Variants in USP34 observed in about 807,000 individuals in gnomAD.
USP34 encodes the protein ubiquitin carboxyl-terminal hydrolase 34.
USP34 carries 70 observed loss-of-function variants against 460.3 expected under a neutral mutation model. That is an observed-to-expected ratio of 0.15 (90% confidence interval 0.13 to 0.19). The LOEUF (loss-of-function observed/expected upper bound fraction) is 0.19. Ranked by LOEUF, USP34 falls within the 10% of genes least tolerant of loss-of-function variation. The pLI, the probability that USP34 is intolerant of heterozygous loss-of-function variation, is 1.00. For missense variants in USP34, 3,985 were observed against 4,236.2 expected, an observed-to-expected ratio of 0.94 and a Z score of 1.65; for synonymous variants, 1,647 against 1,405.3, an observed-to-expected ratio of 1.17 and a Z score of -3.85.
chr2:61,308,358 T>C (rs1690478828), intron 27 of USP34, among the ~76,000 whole-genome samples: 3 of 152,022 alleles, frequency 2.0e-5, no homozygotes, highest in African/African-American at 7.2e-5. Context: ...TCTTAGATAT[T>C]AAAAGCATGA....
chr2:61,381,884 T>C (rs1400222584), intron 6 of USP34, among the ~76,000 whole-genome samples: 3 of 152,178 alleles, frequency 2.0e-5, no homozygotes, highest in African/African-American at 7.2e-5. Context: ...CAAAGTCTTG[T>C]CTTTAAGTTC....
At chr2:61,197,007 G>A (rs890562564) in intron 75 of USP34, among the ~76,000 whole-genome samples, 3 of 152,172 alleles carry the variant, frequency 2.0e-5, no homozygotes, top group African/African-American at 7.2e-5. Context: ...AGGCGTGGTG[G>A]CTCACGCCTA....
At chr2:61,457,336 A>G (rs981983207) in intron 1 of USP34, among the ~76,000 whole-genome samples, 1 of 152,228 alleles carries the variant, frequency 6.6e-6, no homozygotes, top group African/African-American at 2.4e-5. Context: ...GGTCAAAACC[A>G]AGGAAGCCCA....
chr2:61,363,619 A>C (rs927866425), intron 10 of USP34, among the ~76,000 whole-genome samples: 2 of 152,236 alleles, frequency 1.3e-5, no homozygotes, highest in Middle Eastern at 3.2e-3. Context: ...ACAAATTATA[A>C]TAAGCTCCAT....
intron 1 of USP34, among the ~76,000 whole-genome samples, chr2:61,470,315 G>C (rs959759435): frequency 4.6e-5 from 7 of 152,272 alleles, no homozygotes; most frequent in South Asian, 4.1e-4. Flanking sequence ...GCACCTTCCC[G>C]GCAGGGCGAA....
intron 61 of USP34, 122 bp downstream of exon 61, chr2:61,228,523 T>G: frequency 1.3e-6 from 1 of 750,360 alleles, no homozygotes; most frequent in East Asian, 2.6e-5. Flanking sequence ...AGACCCTTCA[T>G]ATTATCTAAC....
At chr2:61,452,974 T>A (rs1337700240) in intron 1 of USP34, among the ~76,000 whole-genome samples, 1 of 150,406 alleles carries the variant, frequency 6.6e-6, no homozygotes, top group Non-Finnish European at 1.5e-5. Flanking sequence ...AGACATCCTA[T>A]CATGTTAGGA....
Position 61,221,514 on chromosome 2 carries a change from C to T in USP34, c.7887G>A (p.Gln2629=). The T allele has an allele frequency of 6.2e-7, 1 of 1,613,746 alleles. No individual in the cohort carries two copies. The highest frequency in any genetic ancestry group is 8.5e-7 in the Non-Finnish European group (1 of 1,179,722). The part of the protein sequence containing the change: ...GMPPFASYIL[Q]RIWEVIEYNP... ...CTGCAAGACTTACCTCCCATATCCT[C>T]TGCAGAATATAAGATGCAAAGGGAG... Residue 2629 remains glutamine (Q), a synonymous_variant, in exon 66 of 80, where the codon CAG becomes CAA. Coordinates refer to ENST00000398571, the MANE Select transcript of USP34 (RefSeq NM_014709.4).
Position 61,348,159 on chromosome 2 carries a change from C to T in USP34, c.1996G>A (p.Gly666Arg). The change falls in exon 15 of 80, where the codon GGG becomes AGG. Residue 666 changes from glycine (G) to arginine (R), a missense_variant. This residue lies in a region of USP34 where 716 missense variants were observed against 626.2 expected (regional missense o/e 1.14). Transcript: ENST00000398571. Reference sequence around the variant, plus strand: ...TCCTTTCCTGTTCCGCTGCTTGTCCCATTTCTTTCTGACATGCCTTGGGAG... The same window carrying T: ...TCCTTTCCTGTTCCGCTGCTTGTCCTATTTCTTTCTGACATGCCTTGGGAG... ...GDSQGMSERN[G>R]TSSGTGKDLV... is the part of the protein sequence containing the mutation. The T allele has an allele frequency of 6.2e-7, 1 of 1,614,208 alleles. No individual in the cohort carries two copies. The highest frequency in any genetic ancestry group is 8.5e-7 in the Non-Finnish European group (1 of 1,180,032).
At chr2:61,310,817 A>C (rs1252414213) in intron 27 of USP34, among the ~76,000 whole-genome samples, 2 of 152,152 alleles carry the variant, frequency 1.3e-5, no homozygotes, top group Non-Finnish European at 2.9e-5. Context: ...CATGAAAAAA[A>C]CTATTGGGTT....
intron 76 of USP34, chr2:61,191,191 C>T (rs935432653): frequency 6.6e-5 from 10 of 152,342 alleles, no homozygotes; most frequent in Admixed American, 2.0e-4. Context: ...AATCTTCTTT[C>T]CTAATTATCT....
chr2:61,379,802 G>A (rs544765446), intron 7 of USP34, among the ~76,000 whole-genome samples: 2 of 152,338 alleles, frequency 1.3e-5, no homozygotes, highest in South Asian at 2.1e-4. Context: ...TTGGCCTACG[G>A]CCCAATAATC....
At chr2:61,397,424 C>G (rs1693567200) in intron 3 of USP34, among the ~76,000 whole-genome samples, 1 of 132,582 alleles carries the variant, frequency 7.5e-6, no homozygotes, top group Non-Finnish European at 1.6e-5. Flanking sequence ...GCCTGGGAGA[C>G]AAAATGAGGC....
chr2:61,389,457 A>G (rs1693275816), intron 5 of USP34, among the ~76,000 whole-genome samples: 1 of 152,246 alleles, frequency 6.6e-6, no homozygotes. Context: ...AAAAATTTCA[A>G]TTAAAAAACA....
chr2:61,428,821 A>T (rs976672825), intron 1 of USP34, among the ~76,000 whole-genome samples: 1 of 152,232 alleles, frequency 6.6e-6, no homozygotes, highest in Non-Finnish European at 1.5e-5. Flanking sequence ...GTTTGAAAAT[A>T]AAGAGAGAAA....
chr2:61,329,498 G>T (rs1691197182), intron 20 of USP34, among the ~76,000 whole-genome samples: 1 of 152,144 alleles, frequency 6.6e-6, no homozygotes, highest in Non-Finnish European at 1.5e-5. Context: ...TGTAAGCAAA[G>T]CTATGGAATA....
chr2:61,393,618 T>C (rs755385540), intron 5 of USP34, among the ~76,000 whole-genome samples: 2 of 152,152 alleles, frequency 1.3e-5, no homozygotes, highest in Non-Finnish European at 2.9e-5. Flanking sequence ...GCACACAGCA[T>C]TGGAAACAAT....
At chr2:61,226,875 A>C (rs13388389) in intron 62 of USP34, 192 bp downstream of exon 62, 90,701 of 666,494 alleles carry the variant, frequency 0.14, 7,392 homozygotes, top group African/African-American at 0.3. Context: ...GAAAAAACTG[A>C]AATTCTTATG....
At chr2:61,392,326 AAAAC>A (rs1379993930) in intron 5 of USP34, among the ~76,000 whole-genome samples, 2 of 152,148 alleles carry the variant, frequency 1.3e-5, no homozygotes, top group East Asian at 3.8e-4. Context: ...AAACAAAAAC[AAAAC>A]AAAGGCCGGG....
Sources: allele counts gnomAD v4.1 joint callset (sites outside exome capture counted in the v4.1 genomes callset), GRCh38; gene constraint gnomAD v4.1.1; regional missense constraint gnomAD v4.1.1; transcripts MANE v1.5; gene names NCBI Gene and HGNC (gene_info 2026-07-23, HGNC 2026-07-21).